The following ADARB2 variants were observed in gnomAD, a reference collection of about 807,000 sequenced individuals.
ADARB2 encodes inactive double-stranded RNA-specific editase B2.
A neutral mutation model predicts 62.2 loss-of-function variants in ADARB2; 25 were observed. That is an observed-to-expected ratio of 0.40 (90% confidence interval 0.29 to 0.56). ADARB2 has a LOEUF of 0.56. Among genes scored for constraint, ADARB2 ranks in the 20% least tolerant of loss-of-function variants. ADARB2 has a pLI of 0.43. For missense variants in ADARB2, 1,071 were observed against 1,077.4 expected, an observed-to-expected ratio of 0.99 and a Z score of 0.08; for synonymous variants, 572 against 500.8, an observed-to-expected ratio of 1.14 and a Z score of -1.90.
chr10:1,652,209 A>G (rs1381295108), intron 1 of ADARB2, among the ~76,000 whole-genome samples: 1 of 152,210 alleles, frequency 6.6e-6, no homozygotes, highest in East Asian at 1.9e-4. Flanking sequence ...CCTGCAGCAC[A>G]GCCCTGGCCA....
intron 1 of ADARB2, among the ~76,000 whole-genome samples, chr10:1,647,389 A>C (rs1279059068): frequency 1.3e-5 from 2 of 149,064 alleles, no homozygotes; most frequent in South Asian, 2.1e-4. Flanking sequence ...ATGTATGCGT[A>C]TACATGTGCA....
rs1354526372 is a variant in ADARB2, at chr10:1,177,690, G to C, written c.*5503C>G. On this transcript the variant is annotated 3_prime_UTR_variant, in exon 10 of 10. Coordinates refer to ENST00000381312, the MANE Select transcript of ADARB2 (RefSeq NM_018702.4). ...AGGTGATCTCGCCTTGGTGTTTAGG[G>C]AATGCTCATCCCTCCAACCTTGGCT... 3 of 152,214 alleles carry C rather than the reference G, an allele frequency of 2.0e-5. No individual in the cohort carries two copies. The highest frequency in any genetic ancestry group is 6.5e-5 in the Admixed American group (1 of 15,286). The allele number at this position is 152,214 out of a possible 1,614,324, so 9.4% of individuals were successfully genotyped here.
chr10:1,705,675 A>G (rs1170399869), intron 1 of ADARB2, among the ~76,000 whole-genome samples: 1 of 152,228 alleles, frequency 6.6e-6, no homozygotes, highest in Non-Finnish European at 1.5e-5. Flanking sequence ...CCCATCATTC[A>G]CCATCAGATG....
intron 3 of ADARB2, among the ~76,000 whole-genome samples, chr10:1,352,232 G>A (rs57869694): frequency 0.54 from 82,329 of 151,066 alleles, 22,899 homozygotes; most frequent in Middle Eastern, 0.6. Context: ...TCAAACCCAA[G>A]CACCTTCTAC....
chr10:1,420,484 A>G (rs1832842444), intron 1 of ADARB2, among the ~76,000 whole-genome samples: 1 of 152,166 alleles, frequency 6.6e-6, no homozygotes, highest in Admixed American at 6.5e-5. Context: ...AGAGGTTTAT[A>G]AAATTTAGAG....
intron 1 of ADARB2, among the ~76,000 whole-genome samples, chr10:1,516,859 C>T (rs1301881003): frequency 1.3e-5 from 2 of 152,184 alleles, no homozygotes; most frequent in African/African-American, 2.4e-5. Context: ...AATGACAGCG[C>T]ATGGAAGTTG....
Position 1,350,076 on chromosome 10 carries a change from C to T in ADARB2, c.1077+12952G>A, listed in dbSNP as rs564718290. 1.1e-4 allele frequency among the ~76,000 whole-genome samples: 16 copies of T among 152,254 alleles called. No homozygotes were observed. The East Asian group carries it at 1.9e-3, about 18-fold the overall frequency. On this transcript the variant is annotated intron_variant, in intron 3 of 9. Transcript: ENST00000381312. ...ACTCTCGCCTGACCTAAAATCTAAG[C>T]GTCTTATTTTCTTCTGCAACACCAC... is the stretch of plus-strand genomic sequence containing the variant.
In ADARB2 at chr10:1,666,160, C is replaced by T. The variant is rs559579435; in HGVS notation, c.100+70891G>A. ...GCTATAAAATGCCACGAGAGGTGCG[C>T]ACAAGGGTTCAGGGCTGCATAGAAC... On this transcript the variant is annotated intron_variant, in intron 1 of 9. Transcript: ENST00000381312. Among the ~76,000 whole-genome samples the T allele has an allele frequency of 1.5e-3, 228 of 152,332 alleles. 1 individual carries two copies. Among genetic ancestry groups the T allele is most frequent in the African/African-American group, 5.3e-3 (219 of 41,588 alleles).
chr10:1,334,904 C>T (rs769452798), intron 3 of ADARB2, among the ~76,000 whole-genome samples: 5 of 152,150 alleles, frequency 3.3e-5, no homozygotes, highest in Non-Finnish European at 5.9e-5. Context: ...GATTAACTGT[C>T]ATTATTTGTC....
At position 1,598,977 on chromosome 10, in the gene ADARB2, C is replaced by T. The variant is rs531467795; in HGVS notation, c.100+138074G>A. ...TGTGGCTGGACAGAGGCGCAGCTGC[C>T]GGTGTGTGGTGGCCCCAGGCCCTCA... On this transcript the variant is annotated intron_variant, in intron 1 of 9. Coordinates refer to ENST00000381312, the MANE Select transcript of ADARB2 (RefSeq NM_018702.4). Among the ~76,000 whole-genome samples the T allele has an allele frequency of 9.2e-5, 14 of 152,344 alleles. No homozygotes were observed. The East Asian group carries it at 1.2e-3, about 13-fold the overall frequency.
intron 4 of ADARB2, among the ~76,000 whole-genome samples, chr10:1,268,289 A>C (rs1171122972): frequency 6.6e-6 from 1 of 152,128 alleles, no homozygotes; most frequent in East Asian, 1.9e-4. Context: ...GGAGTGGGAG[A>C]ATACGGCTTT....
chr10:1,672,358 T>A (rs1834397317), intron 1 of ADARB2, among the ~76,000 whole-genome samples: 1 of 152,116 alleles, frequency 6.6e-6, no homozygotes, highest in African/African-American at 2.4e-5. Flanking sequence ...TCGTAATTAA[T>A]CCTTCTTGAA....
At chr10:1,297,755 G>A (rs913190455) in intron 3 of ADARB2, among the ~76,000 whole-genome samples, 2 of 152,214 alleles carry the variant, frequency 1.3e-5, no homozygotes, top group Non-Finnish European at 2.9e-5. Flanking sequence ...TCCTCGGTAA[G>A]CCCTGAAACT....
chr10:1,234,737 CTTTTTTTTTTTTTT>C (rs71376899), intron 5 of ADARB2, among the ~76,000 whole-genome samples: 17 of 53,640 alleles, frequency 3.2e-4, no homozygotes, highest in South Asian at 2.0e-3. Flanking sequence ...CGACCATGAT[CTTTTTTTTTTTTTT>C]TTTTTTTTTT....
At chr10:1,581,221 G>A (rs1000828758) in intron 1 of ADARB2, among the ~76,000 whole-genome samples, 3 of 152,236 alleles carry the variant, frequency 2.0e-5, no homozygotes, top group Admixed American at 1.3e-4. Flanking sequence ...GATGTTCAAG[G>A]TGCGGGGAAG....
chr10:1,277,646 T>C (rs1412361045), intron 3 of ADARB2, among the ~76,000 whole-genome samples: 2 of 152,270 alleles, frequency 1.3e-5, no homozygotes, highest in South Asian at 2.1e-4. Context: ...CAGAACCAGA[T>C]GGATTCACAG....
At chr10:1,505,106 C>A (rs1831823755) in intron 1 of ADARB2, among the ~76,000 whole-genome samples, 1 of 149,080 alleles carries the variant, frequency 6.7e-6, no homozygotes, top group South Asian at 2.2e-4. Context: ...CACATGCACA[C>A]ACAGACACAC....
chr10:1,410,680 C>T lies in ADARB2; in HGVS notation c.101-31520G>A, dbSNP rs370092290. 7.1e-3 allele frequency among the ~76,000 whole-genome samples: 1,076 copies of T among 152,274 alleles called. 18 individuals are homozygous for T. Among genetic ancestry groups the T allele is most frequent in the African/African-American group, 0.024 (997 of 41,554 alleles). On this transcript the variant is annotated intron_variant, in intron 1 of 9. Transcript: ENST00000381312. ...TCCTCGGTGTCTGCCACAGCGGCTG[C>T]GGTGGTTTTCCTGTTTGAAGACCCC... is the stretch of plus-strand genomic sequence containing the variant.
chr10:1,590,919 G>C (rs550920021), intron 1 of ADARB2, among the ~76,000 whole-genome samples: 1 of 152,324 alleles, frequency 6.6e-6, no homozygotes, highest in Non-Finnish European at 1.5e-5. Context: ...CTCAGTAAAA[G>C]GGGAACTGAC....
Sources: allele counts gnomAD v4.1 joint callset (sites outside exome capture counted in the v4.1 genomes callset), GRCh38; gene constraint gnomAD v4.1.1; transcripts MANE v1.5; gene names NCBI Gene and HGNC (gene_info 2026-07-23, HGNC 2026-07-21).